PLEKHG1: variants seen among roughly 807,000 people sequenced by gnomAD.
The protein encoded by PLEKHG1 is pleckstrin homology and RhoGEF domain containing G1, also known as pleckstrin homology domain-containing family G member 1.
In PLEKHG1, 44 loss-of-function variants were observed where a neutral mutation model predicts 100.8. The ratio of observed to expected loss-of-function variants is 0.44; its 90% CI spans 0.34 to 0.56. PLEKHG1 has a LOEUF of 0.56. Among genes scored for constraint, PLEKHG1 ranks in the 20% least tolerant of loss-of-function variants. The pLI is 0.01. For missense variants in PLEKHG1, 1,545 were observed against 1,720.9 expected (o/e 0.90, Z 1.81); for synonymous variants, 640 against 662.5 (o/e 0.97, Z 0.52).
At chr6:150,760,370 C>T (rs969731113) in intron 2 of PLEKHG1, among the ~76,000 whole-genome samples, 14 of 152,088 alleles carry the variant, frequency 9.2e-5, no homozygotes, top group African/African-American at 3.1e-4. Flanking sequence ...AAATAAAAAG[C>T]GTGTAAAGTT....
Position 150,683,683 on chromosome 6 carries a change from A to G in PLEKHG1, c.-99+32897A>G. 4 of 705,866 alleles carry G rather than the reference A, an allele frequency of 5.7e-6. No individual in the cohort carries two copies. Among genetic ancestry groups the G allele is most frequent in the Non-Finnish European group, 6.2e-6 (3 of 487,304 alleles). The allele number at this position is 705,866 out of a possible 1,614,324, so 43.7% of individuals were successfully genotyped here. A position where few individuals can be genotyped will look rare whatever the true frequency, so the allele number is the denominator to read the frequency against. On this transcript the variant is annotated intron_variant, in intron 3 of 3. Transcript: ENST00000367326. This position sits in a 1 kb window ranked among gnomAD's most constrained non-coding sequence, Gnocchi z 4.0. The stretch of plus-strand genomic sequence containing the variant: ...ACTAAGGATGACAGAGTGTTCAATG[A>G]TGCTGTTCAACTTGAACCCTGAGTT...
intron 3 of PLEKHG1, among the ~76,000 whole-genome samples, chr6:150,671,190 T>C (rs1779569209): frequency 6.6e-6 from 1 of 152,156 alleles, no homozygotes; most frequent in South Asian, 2.1e-4. Flanking sequence ...ATTGTTCTGC[T>C]ATAAACATGC....
intron 1 of PLEKHG1, among the ~76,000 whole-genome samples, chr6:150,616,156 C>T (rs1259341366): frequency 1.3e-5 from 2 of 152,130 alleles, no homozygotes; most frequent in Non-Finnish European, 2.9e-5. Flanking sequence ...AAAAAACAAA[C>T]AGTGGTTGAG....
chr6:150,727,023 C>T (rs1781995615), intron 1 of PLEKHG1, among the ~76,000 whole-genome samples: 1 of 152,190 alleles, frequency 6.6e-6, no homozygotes, highest in Admixed American at 6.5e-5. Context: ...GGTAGAGTAA[C>T]TATTTCTGTA....
At chr6:150,799,913 A>G (rs1009218841) in intron 5 of PLEKHG1, among the ~76,000 whole-genome samples, 1 of 152,176 alleles carries the variant, frequency 6.6e-6, no homozygotes, top group Non-Finnish European at 1.5e-5. Context: ...GTGTGACTGC[A>G]CAAGCCGTTA....
chr6:150,637,297 A>AT (rs145595104), intron 1 of PLEKHG1, among the ~76,000 whole-genome samples: 7,756 of 151,620 alleles, frequency 0.051, 470 homozygotes, highest in African/African-American at 0.13. Context: ...CTTGAAGGAG[A>AT]TTTTCCCAGT....
intron 1 of PLEKHG1, among the ~76,000 whole-genome samples, chr6:150,609,914 G>A (rs1027281678): frequency 3.9e-5 from 6 of 152,218 alleles, no homozygotes; most frequent in Admixed American, 2.6e-4. Flanking sequence ...GTTCACGGTC[G>A]CCGTTTCCCA....
chr6:150,772,781 T>C (rs117447749), intron 3 of PLEKHG1, among the ~76,000 whole-genome samples: 1 of 152,364 alleles, frequency 6.6e-6, no homozygotes, highest in East Asian at 1.9e-4. Flanking sequence ...ATTTTGCCAA[T>C]TGCGTTAAGA....
chr6:150,667,186 G>T (rs1226195679), intron 3 of PLEKHG1, among the ~76,000 whole-genome samples: 1 of 152,096 alleles, frequency 6.6e-6, no homozygotes, highest in African/African-American at 2.4e-5. Flanking sequence ...ACATATATTA[G>T]GGTTGGGTCT....
At chr6:150,620,441 C>T (rs991776091) in intron 1 of PLEKHG1, among the ~76,000 whole-genome samples, 2 of 152,178 alleles carry the variant, frequency 1.3e-5, no homozygotes, top group Non-Finnish European at 2.9e-5. Context: ...CCTGGCCTGT[C>T]CTTTGTCCCC....
At chr6:150,726,681 G>T (rs371304893) in intron 1 of PLEKHG1, among the ~76,000 whole-genome samples, 4 of 151,574 alleles carry the variant, frequency 2.6e-5, no homozygotes, top group African/African-American at 9.7e-5. Context: ...TTCACTCCTT[G>T]GTTCCTTCAT....
chr6:150,665,288 ATAAT>A (rs1779352319), intron 3 of PLEKHG1, among the ~76,000 whole-genome samples: 1 of 152,230 alleles, frequency 6.6e-6, no homozygotes, highest in Non-Finnish European at 1.5e-5. Flanking sequence ...GAAAGCTAAT[ATAAT>A]AGAAAAAATA....
chr6:150,677,311 C>A (rs9372085), intron 3 of PLEKHG1, among the ~76,000 whole-genome samples: 52 of 148,638 alleles, frequency 3.5e-4, no homozygotes, highest in African/African-American at 1.2e-3. Context: ...CACGCGCGCG[C>A]GCACACACAC....
chr6:150,780,791 C>A (rs1040724325), intron 3 of PLEKHG1, among the ~76,000 whole-genome samples: 1 of 152,086 alleles, frequency 6.6e-6, no homozygotes, highest in African/African-American at 2.4e-5. Flanking sequence ...GCCGAAGATT[C>A]ATTTGATGAA....
chr6:150,604,817 C>G (rs2029644), intron 1 of PLEKHG1, among the ~76,000 whole-genome samples: 28,076 of 152,196 alleles, frequency 0.18, 2,841 homozygotes, highest in Middle Eastern at 0.25. Flanking sequence ...AGAAGTTGGA[C>G]TGGATTGGGA....
At chr6:150,661,251 C>G (rs990740689) in intron 3 of PLEKHG1, among the ~76,000 whole-genome samples, 1 of 152,222 alleles carries the variant, frequency 6.6e-6, no homozygotes, top group Non-Finnish European at 1.5e-5. Flanking sequence ...AAATATCTCT[C>G]TCAACAACAT....
chr6:150,738,569 T>C (rs942217491), intron 2 of PLEKHG1, among the ~76,000 whole-genome samples: 4 of 152,178 alleles, frequency 2.6e-5, no homozygotes, highest in South Asian at 4.1e-4. Context: ...CATATTTAGG[T>C]ATCTTTCTTT....
chr6:150,736,444 C>T lies in PLEKHG1; in HGVS notation c.411+2352C>T, dbSNP rs187949639. Among the ~76,000 whole-genome samples the T allele has an allele frequency of 3.6e-3, 542 of 152,306 alleles. 5 individuals are homozygous for T. The highest frequency in any genetic ancestry group is 0.012 in the African/African-American group (512 of 41,572). ...GCTAGCTGAGAGTGATCACTGCATA[C>T]ACTATGTTTTACCTGAAGTCTTTCA... On this transcript the variant is annotated intron_variant, in intron 2 of 15. Coordinates refer to ENST00000358517, the Ensembl canonical transcript of PLEKHG1.
At chr6:150,667,010 G>A (rs191974958) in intron 3 of PLEKHG1, among the ~76,000 whole-genome samples, 254 of 152,186 alleles carry the variant, frequency 1.7e-3, no homozygotes, top group Non-Finnish European at 2.8e-3. Context: ...CACCCAACTC[G>A]GCCTCCCAAA....
Sources: allele counts gnomAD v4.1 joint callset (sites outside exome capture counted in the v4.1 genomes callset), GRCh38; gene constraint gnomAD v4.1.1; non-coding constraint Gnocchi (gnomAD v3.1); transcripts MANE v1.5; gene names NCBI Gene and HGNC (gene_info 2026-07-23, HGNC 2026-07-21).